Variants in KCNMA1 observed in about 807,000 individuals in gnomAD.
The protein encoded by KCNMA1 is potassium calcium-activated channel subfamily M alpha 1.
KCNMA1 carries 29 observed loss-of-function variants against 140.0 expected under a neutral mutation model. The ratio of observed to expected loss-of-function variants is 0.21; its 90% CI spans 0.15 to 0.28. The LOEUF (loss-of-function observed/expected upper bound fraction) is 0.28, where lower values mean the gene tolerates loss of function less well. KCNMA1 is among the 10% of genes least tolerant of loss of function. KCNMA1 has a pLI of 1.00. For missense variants in KCNMA1, 880 were observed against 1,602.2 expected, an observed-to-expected ratio of 0.55 and a Z score of 7.70; for synonymous variants, 612 against 611.9, an observed-to-expected ratio of 1.00 and a Z score of 0.00.
intron 5 of KCNMA1, among the ~76,000 whole-genome samples, chr10:77,161,816 T>G (rs1440808251): frequency 1.3e-5 from 2 of 152,244 alleles, no homozygotes; most frequent in Non-Finnish European, 2.9e-5. Flanking sequence ...TTTGTTATAT[T>G]GACTTATGAA....
Position 76,885,510 on chromosome 10 carries a change from T to TATC in KCNMA1, c.*1753_*1755dup, listed in dbSNP as rs2036496235. On this transcript the variant is annotated 3_prime_UTR_variant, in exon 28 of 28. Transcript: ENST00000286628. ...CACACAGCAAGCAAATATCCAAAACTATCATGCTTGAGGGGACGGGGGATC... is the reference window on the plus strand; with the variant it reads ...CACACAGCAAGCAAATATCCAAAACTATCATCATGCTTGAGGGGACGGGGGATC... 4.1e-6 allele frequency: 4 copies of TATC among 985,094 alleles called. No homozygotes were observed. Among genetic ancestry groups the TATC allele is most frequent in the Admixed American group, 6.2e-5 (1 of 16,234 alleles). 61.0% of individuals were successfully genotyped at this position (985,094 alleles called of 1,614,324 possible). A position where few individuals can be genotyped will look rare whatever the true frequency, so the allele number is the denominator to read the frequency against.
intron 1 of KCNMA1, among the ~76,000 whole-genome samples, chr10:77,429,387 T>C (rs1051994258): frequency 1.2e-4 from 18 of 152,174 alleles, no homozygotes; most frequent in Admixed American, 3.3e-4. Context: ...GTAGCTATTC[T>C]CCTCCATTCC....
chr10:77,121,052 G>GA lies in KCNMA1; in HGVS notation c.809-5dup, dbSNP rs1461908584. Reference sequence around the variant, plus strand: ...AGAGCTCTTAAAAATCTCAAACCTGGAAAAAAGAATGAAATAGAGATGCAT... The same window carrying GA: ...AGAGCTCTTAAAAATCTCAAACCTGGAAAAAAAGAATGAAATAGAGATGCAT... On this transcript the variant is annotated splice_region_variant and splice_polypyrimidine_tract_variant and intron_variant, in intron 5 of 27. Coordinates refer to ENST00000286628, the MANE Select transcript of KCNMA1 (RefSeq NM_001161352.2). 5 of 1,569,900 alleles carry GA rather than the reference G, an allele frequency of 3.2e-6. No homozygotes were observed. The highest frequency in any genetic ancestry group is 4.4e-6 in the Non-Finnish European group (5 of 1,143,088).
At chr10:77,370,642 C>T (rs1462364246) in intron 2 of KCNMA1, among the ~76,000 whole-genome samples, 1 of 152,198 alleles carries the variant, frequency 6.6e-6, no homozygotes, top group Non-Finnish European at 1.5e-5. Flanking sequence ...ACCAAGCAAA[C>T]CCTGAAGAAG....
At chr10:77,253,393 A>T (rs1439468377) in intron 2 of KCNMA1, among the ~76,000 whole-genome samples, 2 of 152,268 alleles carry the variant, frequency 1.3e-5, no homozygotes, top group African/African-American at 4.8e-5. Flanking sequence ...TGCAAATGGC[A>T]TCTACATCAT....
chr10:77,602,944 G>T (rs2083137423), intron 1 of KCNMA1, among the ~76,000 whole-genome samples: 1 of 152,222 alleles, frequency 6.6e-6, no homozygotes, highest in Non-Finnish European at 1.5e-5. Flanking sequence ...ATGGGGAAGG[G>T]TATGAAACAA....
intron 1 of KCNMA1, among the ~76,000 whole-genome samples, chr10:77,537,867 A>AT (rs943188646): frequency 6.6e-6 from 1 of 151,686 alleles, no homozygotes; most frequent in African/African-American, 2.4e-5. Context: ...TCCCTCACTG[A>AT]TTTTTTGGCA....
chr10:77,546,759 G>C (rs1261603540), intron 1 of KCNMA1, among the ~76,000 whole-genome samples: 5 of 152,198 alleles, frequency 3.3e-5, no homozygotes, highest in African/African-American at 1.2e-4. Context: ...GTGGCTCCCT[G>C]TCAGGGGAGC....
chr10:77,273,772 A>C (rs1480102006), intron 2 of KCNMA1, among the ~76,000 whole-genome samples: 1 of 152,150 alleles, frequency 6.6e-6, no homozygotes, highest in Non-Finnish European at 1.5e-5. Flanking sequence ...TCCACCTGTA[A>C]GTTCATTTAT....
intron 2 of KCNMA1, among the ~76,000 whole-genome samples, chr10:77,332,254 G>C (rs1229048727): frequency 6.6e-6 from 1 of 152,056 alleles, no homozygotes; most frequent in African/African-American, 2.4e-5. Flanking sequence ...AAAAAAAGGA[G>C]AGAGAGTTGC....
intron 19 of KCNMA1, 47 bp from the exon 20 acceptor site, chr10:76,970,114 A>G (rs976813950): frequency 1.4e-6 from 2 of 1,431,068 alleles, no homozygotes; most frequent in Non-Finnish European, 2.0e-6. Context: ...TTGAGGGCAG[A>G]CTGTGCAATA....
chr10:77,153,819 A>G (rs2154063517), intron 5 of KCNMA1, among the ~76,000 whole-genome samples: 1 of 152,290 alleles, frequency 6.6e-6, no homozygotes, highest in African/African-American at 2.4e-5. Flanking sequence ...CCCTGCCCAA[A>G]GTTGCTGAGT....
At chr10:77,374,036 T>C (rs1391963873) in intron 2 of KCNMA1, among the ~76,000 whole-genome samples, 1 of 152,200 alleles carries the variant, frequency 6.6e-6, no homozygotes, top group Non-Finnish European at 1.5e-5. Flanking sequence ...GGTCTTGGCA[T>C]ATGTCAATGG....
intron 1 of KCNMA1, among the ~76,000 whole-genome samples, chr10:77,517,841 G>C (rs1304837419): frequency 2.0e-5 from 3 of 152,208 alleles, no homozygotes; most frequent in Admixed American, 6.5e-5. Flanking sequence ...CCATGCAACA[G>C]ACATTGTAGT....
chr10:77,349,990 C>T (rs1272819992), intron 2 of KCNMA1, among the ~76,000 whole-genome samples: 2 of 152,128 alleles, frequency 1.3e-5, no homozygotes, highest in Admixed American at 1.3e-4. Flanking sequence ...CCTCTGCCTC[C>T]CAGGCTCAAG....
At chr10:77,319,554 C>T (rs1206517953) in intron 2 of KCNMA1, among the ~76,000 whole-genome samples, 7 of 152,218 alleles carry the variant, frequency 4.6e-5, no homozygotes, top group Admixed American at 3.9e-4. Context: ...GTCTTCACCC[C>T]TTGTAGATGT....
chr10:77,382,978 GTGTGTGTGTGTGTGTGTA>G (rs1386901920), intron 2 of KCNMA1, among the ~76,000 whole-genome samples: 2 of 70,938 alleles, frequency 2.8e-5, no homozygotes, highest in African/African-American at 1.9e-4. Context: ...GTGTGTGTGT[GTGTGTGTGTGTGTGTGTA>G]TATATATATA....
chr10:77,090,346 C>T (rs1334248872), intron 10 of KCNMA1, 54 bp downstream of exon 10: 2 of 1,163,472 alleles, frequency 1.7e-6, no homozygotes, highest in Non-Finnish European at 2.6e-6. Flanking sequence ...TCAGGGAGTC[C>T]CTCGCAGGGT....
chr10:77,049,399 C>T (rs146879720), intron 14 of KCNMA1, among the ~76,000 whole-genome samples: 2 of 152,336 alleles, frequency 1.3e-5, no homozygotes, highest in African/African-American at 4.8e-5. Flanking sequence ...ATGTCTAGAA[C>T]AGTACCTGGT....
Sources: allele counts gnomAD v4.1 joint callset (sites outside exome capture counted in the v4.1 genomes callset), GRCh38; gene constraint gnomAD v4.1.1; transcripts MANE v1.5; gene names NCBI Gene and HGNC (gene_info 2026-07-23, HGNC 2026-07-21).